NAV1: variants seen among roughly 807,000 people sequenced by gnomAD.
NAV1 encodes pore membrane and/or filament interacting like protein 3.
In NAV1, 18 loss-of-function variants were observed where a neutral mutation model predicts 175.2. That is an observed-to-expected ratio of 0.10 (90% confidence interval 0.07 to 0.15). The LOEUF (loss-of-function observed/expected upper bound fraction) is 0.15. Ranked by LOEUF, NAV1 falls within the 10% of genes least tolerant of loss-of-function variation. The pLI is 1.00. For missense variants in NAV1, 1,731 were observed against 2,436.6 expected, an observed-to-expected ratio of 0.71 and a Z score of 6.10; for synonymous variants, 897 against 978.7, an observed-to-expected ratio of 0.92 and a Z score of 1.56.
intron 1 of NAV1, among the ~76,000 whole-genome samples, chr1:201,668,751 C>T (rs1669926986): frequency 6.6e-6 from 1 of 152,124 alleles, no homozygotes; most frequent in South Asian, 2.1e-4. Context: ...AACGGTCCTG[C>T]CTGCCTGTTC....
intron 2 of NAV1, 39 bp downstream of exon 6, chr1:201,712,958 T>A (rs761276235): frequency 6.8e-7 from 1 of 1,475,242 alleles, no homozygotes; most frequent in Non-Finnish European, 9.5e-7. Flanking sequence ...CCCTCTGCCT[T>A]CCTGGCTCTC....
At chr1:201,604,526 A>G (rs1157237749) in intron 2 of NAV1, among the ~76,000 whole-genome samples, 1 of 152,112 alleles carries the variant, frequency 6.6e-6, no homozygotes, top group Non-Finnish European at 1.5e-5. Flanking sequence ...TACTAAAAAT[A>G]CAAAAATTAG....
chr1:201,604,724 G>GAGAAAGAA lies in NAV1; in HGVS notation c.-33+16091_-33+16098dup, dbSNP rs371637628. Among the ~76,000 whole-genome samples the GAGAAAGAA allele has an allele frequency of 3.5e-3, 506 of 144,186 alleles. 2 individuals carry two copies. The highest frequency in any genetic ancestry group is 0.013 in the African/African-American group (490 of 39,148). 94.6% of individuals were successfully genotyped at this position (144,186 alleles called of 152,430 possible). A position where few individuals can be genotyped will look rare whatever the true frequency, so the allele number is the denominator to read the frequency against. On this transcript the variant is annotated intron_variant, in intron 2 of 33. Coordinates refer to the NAV1 transcript ENST00000685211. Reference sequence around the variant, plus strand: ...AAGAAAGAAAGAGAAAGGAAAGAAAGAGAAAGAAAGAAAGAAAGAAAGAGA... The same window carrying GAGAAAGAA: ...AAGAAAGAAAGAGAAAGGAAAGAAAGAGAAAGAAAGAAAGAAAGAAAGAAAGAAAGAGA...
intron 1 of NAV1, 72 bp downstream of exon 5, chr1:201,649,497 A>G: frequency 6.9e-7 from 1 of 1,439,912 alleles, no homozygotes; most frequent in Non-Finnish European, 9.1e-7. Context: ...GGTGTGGGGA[A>G]AGCGAAGCCC....
At chr1:201,802,136 C>CAAAAAAAAAA (rs771631007) in intron 15 of NAV1, among the ~76,000 whole-genome samples, 67 of 20,296 alleles carry the variant, frequency 3.3e-3, no homozygotes, top group African/African-American at 6.6e-3. Flanking sequence ...GACTCCGTCT[C>CAAAAAAAAAA]AAAAAAAAAA....
At chr1:201,780,154 T>C (rs1049621479) in intron 3 of NAV1, among the ~76,000 whole-genome samples, 6 of 152,196 alleles carry the variant, frequency 3.9e-5, no homozygotes, top group Non-Finnish European at 2.9e-5. Context: ...CTTGCCTTTA[T>C]AAAATACCTT....
chr1:201,623,516 G>A (rs1024729377), exon 1 of NAV1: 31 of 986,018 alleles, frequency 3.1e-5, no homozygotes, highest in Non-Finnish European at 3.6e-5. Context: ...CAGGGCAAGC[G>A]CCCCTCTCCC....
At position 201,788,663 on chromosome 1, in the gene NAV1, C is replaced by A; in HGVS notation, c.3166+25C>A. 6.3e-7 allele frequency: 1 copy of A among 1,584,618 alleles called. No individual in the cohort carries two copies. The highest frequency in any genetic ancestry group is 1.2e-5 in the South Asian group (1 of 86,524). ...GGTGAGACTTCATGCTAGCGCGGTT[C>A]ACGCTCATTCCAGCTCTGCTGGGTC... On this transcript the variant is annotated intron_variant, in intron 10 of 29. Transcript: ENST00000367296. This position sits in a 1 kb window ranked among gnomAD's most constrained non-coding sequence, Gnocchi z 5.7.
At chr1:201,591,716 A>G (rs1311182826) in intron 2 of NAV1, among the ~76,000 whole-genome samples, 3 of 152,086 alleles carry the variant, frequency 2.0e-5, no homozygotes, top group Admixed American at 1.3e-4. Context: ...TGCTGCTTGC[A>G]TCTCCCTCTC....
intron 3 of NAV1, among the ~76,000 whole-genome samples, chr1:201,732,352 T>A (rs529359379): frequency 5.9e-5 from 9 of 152,228 alleles, no homozygotes; most frequent in African/African-American, 1.4e-4. Flanking sequence ...GTATTTTTTT[T>A]AATTTTGGTA....
At chr1:201,609,206 T>G (rs1306727418) in intron 2 of NAV1, among the ~76,000 whole-genome samples, 1 of 152,160 alleles carries the variant, frequency 6.6e-6, no homozygotes, top group Non-Finnish European at 1.5e-5. Flanking sequence ...CCCTCACACA[T>G]TCTGAGCTGT....
chr1:201,665,241 C>G (rs149876862), intron 1 of NAV1, among the ~76,000 whole-genome samples: 1 of 151,886 alleles, frequency 6.6e-6, no homozygotes, highest in Non-Finnish European at 1.5e-5. Context: ...GGCTCCTCTC[C>G]GTTGCCTCGG....
intron 3 of NAV1, among the ~76,000 whole-genome samples, chr1:201,737,108 T>C (rs1288702648): frequency 6.6e-6 from 1 of 152,146 alleles, no homozygotes; most frequent in Non-Finnish European, 1.5e-5. Context: ...CAGGGGAGGC[T>C]GTGTTTTCAT....
At chr1:201,815,579 G>C (rs1427715228) in intron 28 of NAV1, among the ~76,000 whole-genome samples, 3 of 152,078 alleles carry the variant, frequency 2.0e-5, no homozygotes, top group Non-Finnish European at 4.4e-5. Flanking sequence ...AGGCTGGGCA[G>C]GGGGGTAGGT....
intron 2 of NAV1, among the ~76,000 whole-genome samples, chr1:201,591,967 A>G (rs775795682): frequency 6.6e-6 from 1 of 152,198 alleles, no homozygotes; most frequent in Non-Finnish European, 1.5e-5. Flanking sequence ...CAGGGTCTGG[A>G]ACAATCTAAG....
chr1:201,614,817 C>T (rs1419738071), intron 2 of NAV1, among the ~76,000 whole-genome samples: 6 of 152,172 alleles, frequency 3.9e-5, no homozygotes, highest in African/African-American at 1.2e-4. Context: ...GCTGTGTGAT[C>T]GTGAGAAAGT....
chr1:201,549,083 C>CTTTCTTTCTTTCTTTCTT (rs1557992077), intron 1 of NAV1, among the ~76,000 whole-genome samples: 6 of 63,426 alleles, frequency 9.5e-5, no homozygotes, highest in African/African-American at 2.6e-4. Context: ...TTTTCTCTTT[C>CTTTCTTTCTTTCTTTCTT]TTTCTTTCTT....
At chr1:201,771,141 G>C (rs1364713911) in intron 3 of NAV1, among the ~76,000 whole-genome samples, 1 of 150,618 alleles carries the variant, frequency 6.6e-6, no homozygotes, top group African/African-American at 2.5e-5. Flanking sequence ...TCCTGATCCT[G>C]CCCTCAAAAC....
chr1:201,677,027 G>A (rs1385605241), intron 1 of NAV1, among the ~76,000 whole-genome samples: 1 of 152,118 alleles, frequency 6.6e-6, no homozygotes, highest in Non-Finnish European at 1.5e-5. Context: ...TGAGATGGGT[G>A]GATCACTTGA....
Sources: gnomAD v4.1 joint callset for allele counts (sites outside exome capture counted in the v4.1 genomes callset) on GRCh38, gnomAD v4.1.1 for gene constraint, Gnocchi (gnomAD v3.1) non-coding constraint, MANE v1.5 for transcripts, NCBI Gene and HGNC (gene_info 2026-07-23, HGNC 2026-07-21) for gene names.